The following LRBA variants were observed in gnomAD, a reference collection of about 807,000 sequenced individuals.
LRBA encodes lipopolysaccharide-responsive and beige-like anchor protein.
In LRBA, 176 loss-of-function variants were observed where a neutral mutation model predicts 330.0. That is an observed-to-expected ratio of 0.53 (90% confidence interval 0.47 to 0.60). The LOEUF (loss-of-function observed/expected upper bound fraction) is 0.60, where lower values mean the gene tolerates loss of function less well. Among genes scored for constraint, LRBA ranks in the 20% least tolerant of loss-of-function variants. LRBA has a pLI of 0.00. For missense variants in LRBA, 3,259 were observed against 3,444.8 expected, an observed-to-expected ratio of 0.95 and a Z score of 1.35; for synonymous variants, 1,230 against 1,193.0, an observed-to-expected ratio of 1.03 and a Z score of -0.64.
intron 40 of LRBA, among the ~76,000 whole-genome samples, chr4:150,587,326 G>A (rs902486098): frequency 6.6e-6 from 1 of 151,980 alleles, no homozygotes; most frequent in African/African-American, 2.4e-5. Flanking sequence ...CACTTTTTAA[G>A]CCACCTTTTT....
At chr4:150,958,065 C>T (rs1006246856) in intron 2 of LRBA, among the ~76,000 whole-genome samples, 4 of 149,164 alleles carry the variant, frequency 2.7e-5, no homozygotes, top group Non-Finnish European at 5.9e-5. Context: ...TTGTGGCCCT[C>T]TTCTCACAGC....
intron 17 of LRBA, among the ~76,000 whole-genome samples, chr4:150,883,912 T>C (rs1267252962): frequency 6.6e-6 from 1 of 152,102 alleles, no homozygotes; most frequent in Non-Finnish European, 1.5e-5. Context: ...GGGGGAATAA[T>C]GATGCTAACA....
intron 40 of LRBA, among the ~76,000 whole-genome samples, chr4:150,567,125 T>A (rs998237115): frequency 1.2e-4 from 18 of 152,168 alleles, no homozygotes; most frequent in Non-Finnish European, 2.4e-4. Context: ...CCTGACTATA[T>A]AACATTGTTT....
At chr4:150,822,364 G>C (rs931880533) in intron 30 of LRBA, among the ~76,000 whole-genome samples, 1 of 152,048 alleles carries the variant, frequency 6.6e-6, no homozygotes, top group Non-Finnish European at 1.5e-5. Flanking sequence ...ATAAAATTTT[G>C]ATCATTAGTA....
At chr4:150,307,621 G>GT (rs1435230960) in intron 52 of LRBA, among the ~76,000 whole-genome samples, 2 of 151,702 alleles carry the variant, frequency 1.3e-5, no homozygotes, top group African/African-American at 4.8e-5. Flanking sequence ...GCATGTGCCT[G>GT]TGGTCCCAGC....
intron 48 of LRBA, among the ~76,000 whole-genome samples, chr4:150,335,759 T>G (rs1734644326): frequency 6.6e-6 from 1 of 152,122 alleles, no homozygotes; most frequent in Non-Finnish European, 1.5e-5. Context: ...TGCAGTGATA[T>G]GATCTCAGCT....
intron 46 of LRBA, among the ~76,000 whole-genome samples, chr4:150,429,575 A>G (rs1750099286): frequency 6.6e-6 from 1 of 152,146 alleles, no homozygotes; most frequent in Non-Finnish European, 1.5e-5. Context: ...TAAATTTAAG[A>G]TACAGTTTAT....
At chr4:150,890,741 C>A (rs1729374950) in intron 17 of LRBA, among the ~76,000 whole-genome samples, 2 of 152,114 alleles carry the variant, frequency 1.3e-5, no homozygotes, top group Admixed American at 1.3e-4. Context: ...GAGTTAGTCA[C>A]AAGGACAATG....
At chr4:150,587,619 G>A (rs1364548617) in intron 40 of LRBA, among the ~76,000 whole-genome samples, 1 of 152,158 alleles carries the variant, frequency 6.6e-6, no homozygotes, top group Non-Finnish European at 1.5e-5. Context: ...ATGCTTGCAT[G>A]CACGACAGAG....
At chr4:150,541,856 AT>A (rs1174703524) in intron 40 of LRBA, among the ~76,000 whole-genome samples, 3 of 151,296 alleles carry the variant, frequency 2.0e-5, no homozygotes, top group East Asian at 3.9e-4. Context: ...TTTAAAAAAA[AT>A]TTTTTTTTGT....
At chr4:150,606,460 G>A (rs1774639203) in intron 37 of LRBA, among the ~76,000 whole-genome samples, 1 of 151,984 alleles carries the variant, frequency 6.6e-6, no homozygotes. Context: ...CCAGATTGTG[G>A]TACATACAAA....
chr4:150,270,645 C>A (rs116231192), intron 56 of LRBA, among the ~76,000 whole-genome samples: 3,161 of 152,068 alleles, frequency 0.021, 44 homozygotes, highest in Non-Finnish European at 0.032. Context: ...AATTATATAT[C>A]GAAAAGAGTT....
rs550686352 is a variant in LRBA, at chr4:150,998,393, G to A, written c.216+16034C>T. Among the ~76,000 whole-genome samples the A allele has an allele frequency of 2.0e-3, 299 of 150,672 alleles. 1 individual carries two copies. Among genetic ancestry groups the A allele is most frequent in the African/African-American group, 7.1e-3 (290 of 41,076 alleles). ...AAGAGAGATAGGGTCTCATTCTGTC[G>A]CCCAGGATAGAGTACAGTGGCATAA... On this transcript the variant is annotated intron_variant, in intron 2 of 56. Transcript: ENST00000651943.
At chr4:150,838,694 A>C (rs544214325) in intron 28 of LRBA, among the ~76,000 whole-genome samples, 2 of 152,268 alleles carry the variant, frequency 1.3e-5, no homozygotes, top group South Asian at 2.1e-4. Context: ...CCATTCGTCT[A>C]ATCTTTTTTC....
At chr4:150,764,681 T>C (rs1223913412) in intron 34 of LRBA, among the ~76,000 whole-genome samples, 2 of 151,978 alleles carry the variant, frequency 1.3e-5, no homozygotes, top group African/African-American at 4.8e-5. Context: ...TGAAAGATTG[T>C]CCACATGTCA....
At position 150,643,613 on chromosome 4, in the gene LRBA, T is replaced by C. The variant is rs888485274; in HGVS notation, c.5921+39938A>G. ...AGTAATAGCAAGCAGTCCAGTGTTG[T>C]CAGAGCAAAATGATCTAGTGCTCAT... On this transcript the variant is annotated intron_variant, in intron 37 of 56. Transcript: ENST00000651943. Among the ~76,000 whole-genome samples, 8 of 151,956 alleles carry C rather than the reference T, an allele frequency of 5.3e-5. No homozygotes were observed. The East Asian group carries it at 1.5e-3, about 29-fold the overall frequency.
intron 46 of LRBA, chr4:150,423,179 CCTT>C (rs1366067141): frequency 7.4e-7 from 1 of 1,345,668 alleles, no homozygotes; most frequent in African/African-American, 1.5e-5. Context: ...CTCCGGTCCC[CCTT>C]CTTGTTGGCT....
At position 150,588,033 on chromosome 4, in the gene LRBA, C is replaced by A; in HGVS notation, c.6330+15G>T. On this transcript the variant is annotated intron_variant, in intron 40 of 56. Coordinates refer to ENST00000651943, the MANE Select transcript of LRBA (RefSeq NM_001364905.1). ...TCCCATCATAAGAAAAAATGAAACC[C>A]CTTCATCTTCTCACCTTGGGGTCGA... 6.2e-7 allele frequency: 1 copy of A among 1,609,084 alleles called. No homozygotes were observed. The highest frequency in any genetic ancestry group is 8.5e-7 in the Non-Finnish European group (1 of 1,178,046).
upstream of LRBA, chr4:151,015,706 C>T (rs1745341176): frequency 6.6e-6 from 1 of 151,980 alleles, no homozygotes; most frequent in Non-Finnish European, 1.5e-5. Flanking sequence ...TGCTCCCGGC[C>T]GCCATGACAG....
Sources: allele counts gnomAD v4.1 joint callset (sites outside exome capture counted in the v4.1 genomes callset), GRCh38; gene constraint gnomAD v4.1.1; transcripts MANE v1.5; gene names NCBI Gene and HGNC (gene_info 2026-07-23, HGNC 2026-07-21).